SEMA3A: variants seen among roughly 807,000 people sequenced by gnomAD.
The protein encoded by SEMA3A is semaphorin-3A.
Under a neutral mutation model 97.9 loss-of-function variants are expected in SEMA3A, and 29 were observed. The ratio of observed to expected loss-of-function variants is 0.30; its 90% CI spans 0.22 to 0.40. The LOEUF is 0.40. SEMA3A is among the 10% of genes least tolerant of loss of function. The pLI is 1.00. For missense variants in SEMA3A, 763 were observed against 951.3 expected, an observed-to-expected ratio of 0.80 and a Z score of 2.60; for synonymous variants, 321 against 323.7, an observed-to-expected ratio of 0.99 and a Z score of 0.09.
chr7:84,320,589 T>A (rs1349170902), intron 2 of SEMA3A, among the ~76,000 whole-genome samples: 2 of 152,098 alleles, frequency 1.3e-5, no homozygotes, highest in Non-Finnish European at 2.9e-5. Context: ...AAACGAACAG[T>A]TTAAGGTATC....
chr7:84,268,294 T>C (rs907483110), intron 3 of SEMA3A, among the ~76,000 whole-genome samples: 6 of 148,594 alleles, frequency 4.0e-5, no homozygotes, highest in Admixed American at 2.0e-4. Flanking sequence ...TGTGTGTGTG[T>C]GCAGGTGCTC....
chr7:84,428,448 T>C (rs1804883693), intron 1 of SEMA3A, among the ~76,000 whole-genome samples: 1 of 152,084 alleles, frequency 6.6e-6, no homozygotes, highest in Non-Finnish European at 1.5e-5. Flanking sequence ...ACATAACAGC[T>C]ATCCATCACA....
chr7:84,403,716 C>T (rs1803977637), intron 1 of SEMA3A, among the ~76,000 whole-genome samples: 1 of 152,276 alleles, frequency 6.6e-6, no homozygotes, highest in African/African-American at 2.4e-5. Context: ...AACGATCAGG[C>T]AGCAACATTT....
chr7:84,081,774 A>G, intron 4 of SEMA3A, among the ~76,000 whole-genome samples: 1 of 152,026 alleles, frequency 6.6e-6, no homozygotes, highest in East Asian at 1.9e-4. Flanking sequence ...ATGCATATGT[A>G]CATACAAGTG....
chr7:84,184,657 A>G (rs966553417), intron 1 of SEMA3A, among the ~76,000 whole-genome samples: 1 of 151,872 alleles, frequency 6.6e-6, no homozygotes, highest in Non-Finnish European at 1.5e-5. Context: ...ACCTGGAAAG[A>G]TAGAAGGCAA....
chr7:84,046,071 G>A lies in SEMA3A; in HGVS notation c.667+253C>T, dbSNP rs1045953571. Among the ~76,000 whole-genome samples, 11 of 151,792 alleles carry A rather than the reference G, an allele frequency of 7.2e-5. 1 individual carries two copies. Among genetic ancestry groups the A allele is most frequent in the Admixed American group, 2.6e-4 (4 of 15,218 alleles). ...TCCATTTCCTCCCTTCCGTAGCTCC[G>A]GTCCAGATCTTTCTTTCCATAGCTA... On this transcript the variant is annotated intron_variant, in intron 6 of 16. Coordinates refer to ENST00000265362, the MANE Select transcript of SEMA3A (RefSeq NM_006080.3).
chr7:84,055,358 T>C (rs921599427), intron 5 of SEMA3A, among the ~76,000 whole-genome samples: 70 of 152,274 alleles, frequency 4.6e-4, no homozygotes, highest in African/African-American at 1.7e-3. Flanking sequence ...TCAGCGAGAC[T>C]CCGTGGGCGT....
intron 2 of SEMA3A, among the ~76,000 whole-genome samples, chr7:84,363,648 T>C (rs991769937): frequency 1.3e-5 from 2 of 151,920 alleles, no homozygotes; most frequent in East Asian, 3.9e-4. Flanking sequence ...ATAAACTTTA[T>C]GGTTTAGACA....
At chr7:84,124,323 T>C (rs1795724024) in intron 3 of SEMA3A, among the ~76,000 whole-genome samples, 1 of 152,134 alleles carries the variant, frequency 6.6e-6, no homozygotes, top group Admixed American at 6.5e-5. Context: ...TAGGAAATGG[T>C]AAGTGCAGGC....
intron 3 of SEMA3A, among the ~76,000 whole-genome samples, chr7:84,211,644 T>G (rs758427600): frequency 6.6e-6 from 1 of 151,844 alleles, no homozygotes; most frequent in Non-Finnish European, 1.5e-5. Context: ...ATTATCATAA[T>G]TCCTGTTATT....
intron 1 of SEMA3A, among the ~76,000 whole-genome samples, chr7:84,438,367 A>G (rs1334614104): frequency 6.6e-6 from 1 of 152,092 alleles, no homozygotes; most frequent in Non-Finnish European, 1.5e-5. Flanking sequence ...CAATTCAGTT[A>G]ACTTTTCCCA....
In SEMA3A at chr7:84,064,862, G is replaced by A. The variant is rs1793413793; in HGVS notation, c.454-4304C>T. 3.9e-5 allele frequency among the ~76,000 whole-genome samples: 6 copies of A among 152,002 alleles called. No individual in the cohort carries two copies. In the South Asian group the frequency reaches 8.3e-4, roughly 21 times the overall value. ...CACTGTCAACATTAGACAGATCAAC[G>A]AGACAGAAAGTCAACAAGGATACCC... On this transcript the variant is annotated intron_variant, in intron 4 of 16. Coordinates refer to ENST00000265362, the MANE Select transcript of SEMA3A (RefSeq NM_006080.3).
intron 2 of SEMA3A, among the ~76,000 whole-genome samples, chr7:84,349,304 C>T (rs1802380514): frequency 6.6e-6 from 1 of 152,104 alleles, no homozygotes; most frequent in Non-Finnish European, 1.5e-5. Flanking sequence ...TCTTTCCTCT[C>T]TCCTATCTTT....
chr7:84,377,588 T>C (rs976476316), intron 1 of SEMA3A, among the ~76,000 whole-genome samples: 5 of 152,142 alleles, frequency 3.3e-5, no homozygotes, highest in African/African-American at 1.2e-4. Context: ...TATGTCAATG[T>C]CTTTTGTGAT....
chr7:84,074,151 T>C (rs1793853411), intron 4 of SEMA3A, among the ~76,000 whole-genome samples: 1 of 152,172 alleles, frequency 6.6e-6, no homozygotes, highest in Non-Finnish European at 1.5e-5. Context: ...TTTTATAAAT[T>C]AAATTATTGA....
chr7:84,279,305 A>G (rs895117356), intron 3 of SEMA3A, among the ~76,000 whole-genome samples: 1 of 152,110 alleles, frequency 6.6e-6, no homozygotes, highest in African/African-American at 2.4e-5. Context: ...CATCAATACT[A>G]TATACTAACT....
chr7:84,383,464 C>A (rs1584279956), intron 1 of SEMA3A, among the ~76,000 whole-genome samples: 1 of 152,116 alleles, frequency 6.6e-6, no homozygotes, highest in South Asian at 2.1e-4. Flanking sequence ...GCAATATTAA[C>A]TTTTTCTTAA....
rs114304397 is a variant in SEMA3A at position 84,380,647 on chromosome 7, A to G, written c.-245-8747T>C. On this transcript the variant is annotated intron_variant, in intron 1 of 3. Coordinates refer to the SEMA3A transcript ENST00000424555. ...AGTTAAAAAGTTAGTGGCTGAAAGC[A>G]ACATAAATTTATTATATTACAGTTC... 5.8e-3 allele frequency among the ~76,000 whole-genome samples: 885 copies of G among 152,370 alleles called. 11 individuals are homozygous for G. Among genetic ancestry groups the G allele is most frequent in the African/African-American group, 0.02 (832 of 41,594 alleles).
In SEMA3A at chr7:84,007,493, T is replaced by C. The variant is rs138694505; in HGVS notation, c.1000A>G (p.Ile334Val). 1.9e-3 allele frequency: 2,992 copies of C among 1,557,586 alleles called. 46 individuals carry two copies. In the East Asian group the frequency reaches 0.023, roughly 12 times the overall value. The change falls in exon 10 of 17, where the codon ATT becomes GTT. Residue 334 changes from isoleucine to valine, a missense_variant. Physicochemically the swap from Ile to Val is conservative, Grantham distance 29 (BLOSUM62 3). Around this residue, in one of 2 missense-constraint regions of SEMA3A, gnomAD observed 678 missense variants for 881.3 expected, o/e 0.77. Coordinates refer to ENST00000265362, the MANE Select transcript of SEMA3A (RefSeq NM_006080.3). ...VYGVFTTSSN[I>V]FKGSAVCMYS... ...ATACACACGGCTGATCCCTTGAAAA[T>C]GTTACTGAACAAGACAGCAAGAATA...
Sources: gnomAD v4.1 joint callset for allele counts (sites outside exome capture counted in the v4.1 genomes callset) on GRCh38, gnomAD v4.1.1 for gene constraint, gnomAD v4.1.1 regional missense constraint, MANE v1.5 for transcripts, NCBI Gene and HGNC (gene_info 2026-07-23, HGNC 2026-07-21) for gene names.